ADCY2: variants seen among roughly 807,000 people sequenced by gnomAD.
The protein encoded by ADCY2 is adenylate cyclase 2.
In ADCY2, 31 loss-of-function variants were observed where a neutral mutation model predicts 125.2. The ratio of observed to expected loss-of-function variants is 0.25; its 90% CI spans 0.19 to 0.33. ADCY2 has a LOEUF of 0.33. Among genes scored for constraint, ADCY2 ranks in the 10% least tolerant of loss-of-function variants. The probability of loss-of-function intolerance (pLI) is 1.00; values close to 1 mark genes in which losing one functional copy is unlikely to be tolerated. For missense variants in ADCY2, 904 were observed against 1,418.2 expected (o/e 0.64, Z 5.82); for synonymous variants, 512 against 548.4 (o/e 0.93, Z 0.93).
intron 3 of ADCY2, among the ~76,000 whole-genome samples, chr5:7,539,731 G>A (rs1734934672): frequency 6.6e-6 from 1 of 152,194 alleles, no homozygotes; most frequent in Non-Finnish European, 1.5e-5. Flanking sequence ...AGTGTAGGTG[G>A]CTACTACTCA....
intron 18 of ADCY2, among the ~76,000 whole-genome samples, chr5:7,775,540 GCCA>G (rs1212303487): frequency 1.3e-5 from 2 of 151,406 alleles, no homozygotes; most frequent in Non-Finnish European, 2.9e-5. Context: ...GCAGGCAGCC[GCCA>G]CCATGCCTGG....
At chr5:7,417,840 G>A (rs1176241413) in intron 2 of ADCY2, among the ~76,000 whole-genome samples, 3 of 152,188 alleles carry the variant, frequency 2.0e-5, no homozygotes, top group African/African-American at 7.2e-5. Flanking sequence ...GGACATGACT[G>A]TCTCTCCAGT....
At chr5:7,722,695 A>C (rs1741797855) in intron 12 of ADCY2, among the ~76,000 whole-genome samples, 1 of 152,186 alleles carries the variant, frequency 6.6e-6, no homozygotes, top group African/African-American at 2.4e-5. Flanking sequence ...GTGGTGGCTC[A>C]TGCCTGTAAT....
chr5:7,789,127 C>A (rs567072636), intron 19 of ADCY2, among the ~76,000 whole-genome samples: 1 of 152,310 alleles, frequency 6.6e-6, no homozygotes, highest in South Asian at 2.1e-4. Context: ...CAGAACAGCA[C>A]AATCCCAAGT....
chr5:7,776,527 C>A (rs1743733412), intron 18 of ADCY2, among the ~76,000 whole-genome samples: 1 of 152,146 alleles, frequency 6.6e-6, no homozygotes, highest in Non-Finnish European at 1.5e-5. Context: ...TCCTCATTGA[C>A]CTTGAGTGCT....
At chr5:7,768,045 A>AG (rs975094033) in intron 17 of ADCY2, among the ~76,000 whole-genome samples, 5 of 151,114 alleles carry the variant, frequency 3.3e-5, no homozygotes, top group Non-Finnish European at 7.4e-5. Flanking sequence ...AGAAAAAAAA[A>AG]AAGAAGTGGC....
intron 14 of ADCY2, among the ~76,000 whole-genome samples, chr5:7,730,740 T>A (rs1742075030): frequency 6.6e-6 from 1 of 152,222 alleles, no homozygotes; most frequent in Non-Finnish European, 1.5e-5. Flanking sequence ...TTTTTGTTAA[T>A]GAAGTATTTC....
chr5:7,560,107 T>G (rs560608703), intron 3 of ADCY2, among the ~76,000 whole-genome samples: 116 of 152,334 alleles, frequency 7.6e-4, no homozygotes, highest in Non-Finnish European at 1.3e-3. Flanking sequence ...GAGACAGTTA[T>G]TCAAAACAGC....
At chr5:7,563,712 TA>T (rs1002706210) in intron 3 of ADCY2, among the ~76,000 whole-genome samples, 5 of 152,212 alleles carry the variant, frequency 3.3e-5, no homozygotes, top group African/African-American at 1.2e-4. Context: ...TATAGCTTTT[TA>T]AGGCATCCAG....
chr5:7,555,941 C>T (rs1278873355), intron 3 of ADCY2, among the ~76,000 whole-genome samples: 1 of 151,360 alleles, frequency 6.6e-6, no homozygotes, highest in Non-Finnish European at 1.5e-5. Flanking sequence ...AAAAACTTTG[C>T]ATTGTATCTC....
intron 17 of ADCY2, among the ~76,000 whole-genome samples, chr5:7,771,070 A>T (rs1484755356): frequency 1.3e-5 from 2 of 152,200 alleles, no homozygotes; most frequent in African/African-American, 4.8e-5. Context: ...TCTAAGCAAC[A>T]TGGAGCATTA....
At chr5:7,816,030 C>T (rs927004218) in intron 22 of ADCY2, among the ~76,000 whole-genome samples, 1 of 152,122 alleles carries the variant, frequency 6.6e-6, no homozygotes, top group Non-Finnish European at 1.5e-5. Context: ...GTCCTAACTG[C>T]CTCTTCTTAA....
At chr5:7,649,836 C>T (rs988319514) in intron 4 of ADCY2, among the ~76,000 whole-genome samples, 1 of 152,064 alleles carries the variant, frequency 6.6e-6, no homozygotes, top group Non-Finnish European at 1.5e-5. Flanking sequence ...CCAACTTTCC[C>T]CCTCTTTACC....
At chr5:7,645,446 A>G (rs530144149) in intron 4 of ADCY2, among the ~76,000 whole-genome samples, 1 of 152,322 alleles carries the variant, frequency 6.6e-6, no homozygotes, top group South Asian at 2.1e-4. Context: ...GCCAACAGAC[A>G]ATGAAGAAAG....
intron 2 of ADCY2, among the ~76,000 whole-genome samples, chr5:7,415,663 C>T (rs1009099805): frequency 1.3e-5 from 2 of 152,216 alleles, no homozygotes; most frequent in Non-Finnish European, 2.9e-5. Flanking sequence ...TGCTGAAAAA[C>T]CCACATTCAT....
intron 1 of ADCY2, among the ~76,000 whole-genome samples, chr5:7,412,149 A>G (rs1385023771): frequency 6.6e-6 from 1 of 151,672 alleles, no homozygotes; most frequent in East Asian, 1.9e-4. Context: ...GAAGGACTAT[A>G]TCAGCATCTT....
Position 7,530,549 on chromosome 5 carries a change from C to T in ADCY2, c.570+9650C>T, listed in dbSNP as rs759862187. ...GGATTGTAGGTATGACCCACTGCCG[C>T]GAAGCTGTTTTAAATGACACATCTC... On this transcript the variant is annotated intron_variant, in intron 3 of 24. Coordinates refer to ENST00000338316, the MANE Select transcript of ADCY2 (RefSeq NM_020546.3). Among the ~76,000 whole-genome samples the T allele has an allele frequency of 2.8e-4, 42 of 152,206 alleles. 1 individual carries two copies. The highest frequency in any genetic ancestry group is 4.1e-4 in the Non-Finnish European group (28 of 68,016).
rs900032145 is a variant in ADCY2, at chr5:7,724,466, G to T, written c.1704-79G>T. On this transcript the variant is annotated intron_variant, in intron 12 of 24. Coordinates refer to ENST00000338316, the MANE Select transcript of ADCY2 (RefSeq NM_020546.3). ...TGATACACAATAAAGAAAGAAGATCGCAAGTCATTTTAAAAAATAGTTCCA... is the reference window on the plus strand; with the variant it reads ...TGATACACAATAAAGAAAGAAGATCTCAAGTCATTTTAAAAAATAGTTCCA... 11 of 1,069,974 alleles carry T rather than the reference G, an allele frequency of 1.0e-5. No homozygotes were observed. The Admixed American group carries it at 1.5e-4, about 14-fold the overall frequency. 66.3% of individuals were successfully genotyped at this position (1,069,974 alleles called of 1,614,324 possible). A position where few individuals can be genotyped will look rare whatever the true frequency, so the allele number is the denominator to read the frequency against.
At chr5:7,711,419 C>T (rs1295461939) in intron 10 of ADCY2, among the ~76,000 whole-genome samples, 4 of 152,130 alleles carry the variant, frequency 2.6e-5, no homozygotes, top group Non-Finnish European at 4.4e-5. Context: ...TATTGTACAT[C>T]AGCAATTGGT....
Sources: gnomAD v4.1 joint callset for allele counts (sites outside exome capture counted in the v4.1 genomes callset) on GRCh38, gnomAD v4.1.1 for gene constraint, MANE v1.5 for transcripts, NCBI Gene and HGNC (gene_info 2026-07-23, HGNC 2026-07-21) for gene names.